ERLEC1: variants seen among roughly 807,000 people sequenced by gnomAD.
ERLEC1 encodes the protein ER lectin.
ERLEC1 carries 47 observed loss-of-function variants against 68.0 expected under a neutral mutation model. The ratio of observed to expected loss-of-function variants is 0.69; its 90% CI spans 0.55 to 0.88. The LOEUF is 0.88. ERLEC1 is among the 40% of genes least tolerant of loss of function. The probability of loss-of-function intolerance (pLI) is 0.00; values close to 1 mark genes in which losing one functional copy is unlikely to be tolerated. For missense variants in ERLEC1, 567 were observed against 583.8 expected (o/e 0.97, Z 0.30); for synonymous variants, 225 against 203.2 (o/e 1.11, Z -0.91).
intron 10 of ERLEC1, among the ~76,000 whole-genome samples, chr2:53,812,222 T>G (rs1389673253): frequency 6.6e-6 from 1 of 151,970 alleles, no homozygotes; most frequent in Non-Finnish European, 1.5e-5. Flanking sequence ...AGCCAGGGGT[T>G]TTTAATTCTA....
chr2:53,805,622 T>C (rs1676256809), intron 8 of ERLEC1, among the ~76,000 whole-genome samples: 1 of 151,906 alleles, frequency 6.6e-6, no homozygotes, highest in South Asian at 2.1e-4. Context: ...AGTGCAGATA[T>C]CTCTTCAATA....
At position 53,787,111 on chromosome 2, in the gene ERLEC1, T is replaced by C. The variant is rs1392347524; in HGVS notation, c.-100T>C. 11 of 1,369,808 alleles carry C rather than the reference T, an allele frequency of 8.0e-6. No individual in the cohort carries two copies. In the Admixed American group the frequency reaches 2.4e-4, roughly 30 times the overall value. 84.9% of individuals were successfully genotyped at this position (1,369,808 alleles called of 1,614,324 possible). A position where few individuals can be genotyped will look rare whatever the true frequency, so the allele number is the denominator to read the frequency against. ...GGTTGGGCCGGTGATACCCGGGCGC[T>C]TTATAGTCCCGCCGCCTCCTCCTCC... On this transcript the variant is annotated 5_prime_UTR_variant, in exon 1 of 14. Transcript: ENST00000185150.
chr2:53,814,220 G>T (rs554234986), intron 11 of ERLEC1, among the ~76,000 whole-genome samples: 1 of 151,980 alleles, frequency 6.6e-6, no homozygotes, highest in Non-Finnish European at 1.5e-5. Context: ...CAATATAGTG[G>T]GCTAGGGAAA....
chr2:53,801,134 A>C (rs1464761510), intron 6 of ERLEC1, among the ~76,000 whole-genome samples: 1 of 152,154 alleles, frequency 6.6e-6, no homozygotes, highest in Non-Finnish European at 1.5e-5. Context: ...CTTTATATAA[A>C]TGTACATTTA....
In ERLEC1 at chr2:53,794,353, T is replaced by G. The variant is rs147542799; in HGVS notation, c.171T>G (p.Thr57=). ...TTTTCTTCTATTTGCAGCCCACAAC[T>G]GGAGTTTTATATAAAGAAGATAATT... ...WPGTEFSLPT[T]GVLYKEDNYV... is the part of the protein sequence containing the mutation. Residue 57 remains threonine, a synonymous_variant, in exon 2 of 14, where the codon ACT becomes ACG. Transcript: ENST00000185150. 763 of 1,503,956 alleles carry G rather than the reference T, an allele frequency of 5.1e-4. 3 individuals are homozygous for G. The highest frequency in any genetic ancestry group is 1.0e-3 in the Middle Eastern group (6 of 5,830). The allele number at this position is 1,503,956 out of a possible 1,614,324, so 93.2% of individuals were successfully genotyped here.
chr2:53,812,861 C>A, intron 10 of ERLEC1, 88 bp from the exon 11 acceptor site: 1 of 1,391,922 alleles, frequency 7.2e-7, no homozygotes, highest in Non-Finnish European at 9.8e-7. Context: ...CAGATAAAGA[C>A]TAGCTTACAA....
At chr2:53,795,643 T>G (rs1675653453) in intron 2 of ERLEC1, among the ~76,000 whole-genome samples, 1 of 152,220 alleles carries the variant, frequency 6.6e-6, no homozygotes, top group Non-Finnish European at 1.5e-5. Flanking sequence ...AACTGATACT[T>G]AAAAACCTTT....
At position 53,794,413 on chromosome 2, in the gene ERLEC1, T is replaced by C. The variant is rs1439012964; in HGVS notation, c.231T>C (p.Tyr77=). The change falls in exon 2 of 14, where the codon TAT becomes TAC. Residue 77 remains tyrosine (Y), a synonymous_variant. Transcript: ENST00000185150. The part of the protein sequence containing the change: ...VIMTTAHKEK[Y]KCILPLVTSG... ...TGACAACTGCACATAAAGAAAAATA[T>C]AAATGCATACTTCCCCTTGTGACAA... 1.3e-6 allele frequency: 2 copies of C among 1,584,692 alleles called. No homozygotes were observed. The highest frequency in any genetic ancestry group is 2.3e-5 in the East Asian group (1 of 44,410).
chr2:53,792,734 T>C (rs897387660), intron 1 of ERLEC1, among the ~76,000 whole-genome samples: 1 of 152,196 alleles, frequency 6.6e-6, no homozygotes, highest in African/African-American at 2.4e-5. Flanking sequence ...AAACAGTTGT[T>C]AGGCCAGGGC....
intron 6 of ERLEC1, among the ~76,000 whole-genome samples, chr2:53,800,316 C>A (rs1242458659): frequency 6.6e-6 from 1 of 152,104 alleles, no homozygotes; most frequent in Non-Finnish European, 1.5e-5. Flanking sequence ...TGCTCCATTA[C>A]AATCTTATGG....
chr2:53,810,478 T>C (rs946911130), intron 10 of ERLEC1, among the ~76,000 whole-genome samples: 1 of 152,252 alleles, frequency 6.6e-6, no homozygotes, highest in African/African-American at 2.4e-5. Context: ...ATTCTGTTAT[T>C]TGTCCTACTT....
chr2:53,808,964 T>TGG (rs1424161002), intron 9 of ERLEC1, among the ~76,000 whole-genome samples: 2 of 152,222 alleles, frequency 1.3e-5, no homozygotes, highest in African/African-American at 4.8e-5. Context: ...ATTTTGACCC[T>TGG]GACTCTTAGT....
chr2:53,787,583 C>T, intron 1 of ERLEC1: 1 of 465,536 alleles, frequency 2.1e-6, no homozygotes, highest in Non-Finnish European at 3.7e-6. Context: ...AGGGATCCAG[C>T]AATCACCTGC....
chr2:53,806,987 G>T lies in ERLEC1; in HGVS notation c.880-1312G>T, dbSNP rs185424535. ...TAGATTCTCTTCATCTCTCACCTGG[G>T]TTACTGTAACTCCTAACTTGACTCT... On this transcript the variant is annotated intron_variant, in intron 8 of 13. Coordinates refer to ENST00000185150, the MANE Select transcript of ERLEC1 (RefSeq NM_015701.5). 5.3e-5 allele frequency among the ~76,000 whole-genome samples: 8 copies of T among 152,084 alleles called. No individual in the cohort carries two copies. The East Asian group carries it at 1.4e-3, about 26-fold the overall frequency.
Position 53,790,027 on chromosome 2 carries a change from AAAAAG to A in ERLEC1, c.162+2669_162+2673del, listed in dbSNP as rs1449064989. 2.9e-3 allele frequency among the ~76,000 whole-genome samples: 438 copies of A among 151,408 alleles called. 3 individuals carry two copies. The highest frequency in any genetic ancestry group is 0.01 in the Middle Eastern group (3 of 290). ...GAGGAGTCTGTCTCAAAAAAAAAAA[AAAAAG>A]AAAAGAAAAGAAACCACTACTCTCC... On this transcript the variant is annotated intron_variant, in intron 1 of 13. Transcript: ENST00000185150.
At position 53,813,111 on chromosome 2, in the gene ERLEC1, T is replaced by A. The variant is rs115832052; in HGVS notation, c.1226+38T>A. ...TTTACTTGCCTTTGGAGCTAATTAC[T>A]ACAATTTCTAAAACTCAAAATATTG... On this transcript the variant is annotated intron_variant, in intron 11 of 13. Transcript: ENST00000185150. 9.7e-4 allele frequency: 1,541 copies of A among 1,582,404 alleles called. 13 individuals carry two copies. The African/African-American group carries it at 0.019, about 20-fold the overall frequency.
intron 5 of ERLEC1, 67 bp from the exon 6 acceptor site, chr2:53,798,980 G>C (rs1675864266): frequency 1.4e-6 from 2 of 1,427,610 alleles, no homozygotes; most frequent in Non-Finnish European, 1.9e-6. Flanking sequence ...AAAGGTGGTT[G>C]AAAACTTACT....
chr2:53,787,313 C>A lies in ERLEC1; in HGVS notation c.103C>A (p.Pro35Thr), dbSNP rs199730143. The change falls in exon 1 of 14, where the codon CCT (proline) becomes ACT (threonine). Residue 35 changes from proline to threonine, a missense_variant. By Grantham distance (38) the Pro-to-Thr change is conservative. Coordinates refer to ENST00000185150, the MANE Select transcript of ERLEC1 (RefSeq NM_015701.5). Reference protein sequence around the residue: ...LEASGGGRALPQLSDDIPFRV... With the variant: ...LEASGGGRALTQLSDDIPFRV... ...GGCGTCCGGCGGCGGCCGAGCCCTTCCTCAACTCAGCGATGACATCCCTTT... is the reference window on the plus strand; with the variant it reads ...GGCGTCCGGCGGCGGCCGAGCCCTTACTCAACTCAGCGATGACATCCCTTT... 4.3e-6 allele frequency: 7 copies of A among 1,611,222 alleles called. No homozygotes were observed. Among genetic ancestry groups the A allele is most frequent in the Non-Finnish European group, 5.9e-6 (7 of 1,180,000 alleles).
chr2:53,814,486 AATT>A lies in ERLEC1; in HGVS notation c.1227-53_1227-51del, dbSNP rs1470326027. The A allele has an allele frequency of 3.1e-6, 4 of 1,284,038 alleles. No homozygotes were observed. The South Asian group carries it at 5.0e-5, about 16-fold the overall frequency. 79.5% of individuals were successfully genotyped at this position (1,284,038 alleles called of 1,614,324 possible). On this transcript the variant is annotated intron_variant, in intron 11 of 13. Coordinates refer to ENST00000185150, the MANE Select transcript of ERLEC1 (RefSeq NM_015701.5). Reference sequence around the variant, plus strand: ...ACCATCTTCTCACCCTACCCATTACAATTATTCTATTAGTGAGATTTTAGTTTA... The same window carrying A: ...ACCATCTTCTCACCCTACCCATTACAATTCTATTAGTGAGATTTTAGTTTA...
Sources: allele counts gnomAD v4.1 joint callset (sites outside exome capture counted in the v4.1 genomes callset), GRCh38; gene constraint gnomAD v4.1.1; transcripts MANE v1.5; gene names NCBI Gene and HGNC (gene_info 2026-07-23, HGNC 2026-07-21).